The following ZNF385B variants were observed in gnomAD, a reference collection of about 807,000 sequenced individuals.
ZNF385B encodes zinc finger protein 533.
In ZNF385B, 23 loss-of-function variants were observed where a neutral mutation model predicts 39.2. The observed-to-expected ratio is 0.59, with a 90% CI of 0.42 to 0.83. ZNF385B has a LOEUF of 0.83. Among genes scored for constraint, ZNF385B ranks in the 40% least tolerant of loss-of-function variants. The pLI, the probability that ZNF385B is intolerant of heterozygous loss-of-function variation, is 0.00. For missense variants in ZNF385B, 552 were observed against 598.9 expected (o/e 0.92, Z 0.82); for synonymous variants, 205 against 222.6 (o/e 0.92, Z 0.70).
intron 1 of ZNF385B, among the ~76,000 whole-genome samples, chr2:179,782,533 G>C (rs1329373072): frequency 1.3e-5 from 2 of 152,116 alleles, no homozygotes; most frequent in Non-Finnish European, 2.9e-5. Flanking sequence ...AGGAAAAGAG[G>C]AAGTCAAACT....
intron 4 of ZNF385B, among the ~76,000 whole-genome samples, chr2:179,527,505 A>C (rs1478380885): frequency 6.6e-6 from 1 of 150,634 alleles, no homozygotes; most frequent in Non-Finnish European, 1.5e-5. Context: ...TGAAAAGAAG[A>C]CTGAACTCTG....
chr2:179,511,767 T>C (rs946173551), intron 5 of ZNF385B, among the ~76,000 whole-genome samples: 5 of 152,144 alleles, frequency 3.3e-5, no homozygotes, highest in South Asian at 2.1e-4. Context: ...ATCAATGAAA[T>C]GGCATGAGGT....
At chr2:179,777,269 G>C (rs1339072057) in intron 1 of ZNF385B, among the ~76,000 whole-genome samples, 2 of 152,060 alleles carry the variant, frequency 1.3e-5, no homozygotes, top group Non-Finnish European at 2.9e-5. Context: ...AGAATTGAAA[G>C]TACTAATTTA....
intron 3 of ZNF385B, among the ~76,000 whole-genome samples, chr2:179,631,263 C>T (rs757316370): frequency 6.6e-6 from 1 of 152,074 alleles, no homozygotes; most frequent in Admixed American, 6.6e-5. Context: ...TTAAGGGCAG[C>T]CAGAGAGAAA....
chr2:179,628,522 T>G (rs1002728747), intron 3 of ZNF385B, among the ~76,000 whole-genome samples: 1 of 152,204 alleles, frequency 6.6e-6, no homozygotes, highest in African/African-American at 2.4e-5. Flanking sequence ...TCCTATTTTT[T>G]GGCAAGTATA....
At chr2:179,473,675 G>T (rs1242469564) in intron 6 of ZNF385B, among the ~76,000 whole-genome samples, 1 of 151,644 alleles carries the variant, frequency 6.6e-6, no homozygotes, top group East Asian at 1.9e-4. Flanking sequence ...CCCCCCCATT[G>T]CCCCTACCCT....
At chr2:179,740,265 T>C (rs12693205) in intron 3 of ZNF385B, among the ~76,000 whole-genome samples, 73,850 of 151,868 alleles carry the variant, frequency 0.49, 18,241 homozygotes, top group East Asian at 0.6. Flanking sequence ...CTGGCAGTAC[T>C]ATAGATCTCC....
chr2:179,613,027 CACA>C (rs1389287881), intron 3 of ZNF385B, among the ~76,000 whole-genome samples: 1 of 152,184 alleles, frequency 6.6e-6, no homozygotes, highest in Admixed American at 6.5e-5. Flanking sequence ...GTCCTATATC[CACA>C]ACAAGTATCG....
At chr2:179,465,579 C>G (rs1414573968) in intron 6 of ZNF385B, among the ~76,000 whole-genome samples, 2 of 152,138 alleles carry the variant, frequency 1.3e-5, no homozygotes, top group African/African-American at 4.8e-5. Context: ...CTTAAATTCT[C>G]TCTCTTACAT....
chr2:179,563,840 C>G (rs1008251693), intron 3 of ZNF385B, among the ~76,000 whole-genome samples: 1 of 152,086 alleles, frequency 6.6e-6, no homozygotes, highest in Non-Finnish European at 1.5e-5. Flanking sequence ...CCTAAGAAAC[C>G]TCTGCTCTGT....
rs187477866 is a variant in ZNF385B, at chr2:179,679,668, T to C, written c.298+89835A>G. 1.8e-3 allele frequency among the ~76,000 whole-genome samples: 280 copies of C among 152,244 alleles called. 8 individuals carry two copies. Among genetic ancestry groups the C allele is most frequent in the Non-Finnish European group, 2.9e-4 (20 of 68,014 alleles). Reference sequence around the variant, plus strand: ...ATAGCAAAGAAGAACAGCAGAATGGTTGGTGGAGATTCCTATGCTTTCGAC... The same window carrying C: ...ATAGCAAAGAAGAACAGCAGAATGGCTGGTGGAGATTCCTATGCTTTCGAC... On this transcript the variant is annotated intron_variant, in intron 3 of 9. Coordinates refer to ENST00000410066, the MANE Select transcript of ZNF385B (RefSeq NM_152520.6).
intron 1 of ZNF385B, among the ~76,000 whole-genome samples, chr2:179,838,686 C>A (rs187111255): frequency 2.0e-5 from 3 of 152,120 alleles, no homozygotes; most frequent in East Asian, 3.9e-4. Flanking sequence ...ATGGCTAGAT[C>A]TATAAGCAAA....
At chr2:179,664,826 T>G (rs1288481348) in intron 3 of ZNF385B, among the ~76,000 whole-genome samples, 2 of 152,182 alleles carry the variant, frequency 1.3e-5, no homozygotes, top group African/African-American at 2.4e-5. Context: ...GAAACATATT[T>G]GGAAGGAAGT....
At chr2:179,492,790 A>G (rs1208223405) in intron 5 of ZNF385B, among the ~76,000 whole-genome samples, 1 of 152,150 alleles carries the variant, frequency 6.6e-6, no homozygotes, top group East Asian at 1.9e-4. Context: ...GGAATATGTA[A>G]ATGTGAAGAC....
intron 4 of ZNF385B, among the ~76,000 whole-genome samples, chr2:179,541,332 C>A (rs905111470): frequency 6.6e-6 from 1 of 152,282 alleles, no homozygotes; most frequent in African/African-American, 2.4e-5. Context: ...TAGCATAGAA[C>A]AGGCATCTGT....
intron 1 of ZNF385B, among the ~76,000 whole-genome samples, chr2:179,826,631 T>C (rs1466017041): frequency 2.0e-5 from 3 of 152,146 alleles, no homozygotes; most frequent in Admixed American, 2.0e-4. Context: ...ACAATAGATC[T>C]AAATGGACCT....
intron 3 of ZNF385B, among the ~76,000 whole-genome samples, chr2:179,672,811 T>A (rs902599078): frequency 4.6e-5 from 7 of 152,160 alleles, no homozygotes; most frequent in African/African-American, 1.7e-4. Context: ...AGAAATAAAT[T>A]TCTGTCGTTT....
At chr2:179,774,054 T>TACA (rs1704165492) in intron 1 of ZNF385B, among the ~76,000 whole-genome samples, 1 of 151,662 alleles carries the variant, frequency 6.6e-6, no homozygotes, top group African/African-American at 2.4e-5. Flanking sequence ...TGATGTGTGG[T>TACA]TTGCGTGTGG....
intron 1 of ZNF385B, among the ~76,000 whole-genome samples, chr2:179,847,095 T>G (rs905117364): frequency 2.0e-5 from 3 of 152,230 alleles, no homozygotes; most frequent in African/African-American, 7.2e-5. Context: ...ACAAATATAC[T>G]CTTCCCCTAA....
Sources: allele counts gnomAD v4.1 joint callset (sites outside exome capture counted in the v4.1 genomes callset), GRCh38; gene constraint gnomAD v4.1.1; transcripts MANE v1.5; gene names NCBI Gene and HGNC (gene_info 2026-07-23, HGNC 2026-07-21).